Variants in TAFA1 observed in about 807,000 individuals in gnomAD.
The protein encoded by TAFA1 is TAFA chemokine like family member 1, also known as chemokine-like protein TAFA-1.
Under a neutral mutation model 18.5 loss-of-function variants are expected in TAFA1, and 4 were observed. That is an observed-to-expected ratio of 0.22 (90% CI 0.11 to 0.49). The LOEUF (loss-of-function observed/expected upper bound fraction) is 0.49, where lower values mean the gene tolerates loss of function less well. Ranked by LOEUF, TAFA1 falls within the 20% of genes least tolerant of loss-of-function variation. The probability of loss-of-function intolerance (pLI) is 0.98; values close to 1 mark genes in which losing one functional copy is unlikely to be tolerated. For missense variants in TAFA1, 147 were observed against 169.0 expected, an observed-to-expected ratio of 0.87 and a Z score of 0.72; for synonymous variants, 56 against 55.2, an observed-to-expected ratio of 1.01 and a Z score of -0.06.
At chr3:68,393,687 G>C (rs769953800) in intron 2 of TAFA1, among the ~76,000 whole-genome samples, 1 of 152,030 alleles carries the variant, frequency 6.6e-6, no homozygotes, top group Admixed American at 6.6e-5. Flanking sequence ...GCTTCATCCC[G>C]AGGATGCAAA....
intron 2 of TAFA1, among the ~76,000 whole-genome samples, chr3:68,321,197 T>C (rs1022094306): frequency 1.3e-5 from 2 of 152,194 alleles, no homozygotes; most frequent in South Asian, 2.1e-4. Context: ...TAGTCTAATA[T>C]ACAAAAGCAA....
intron 3 of TAFA1, among the ~76,000 whole-genome samples, chr3:68,493,273 T>G (rs2072486612): frequency 6.6e-6 from 1 of 152,236 alleles, no homozygotes; most frequent in Admixed American, 6.5e-5. Flanking sequence ...CTTATTTCAC[T>G]TAGCATAAAG....
At chr3:68,192,847 C>T (rs2066359793) in intron 2 of TAFA1, among the ~76,000 whole-genome samples, 1 of 151,464 alleles carries the variant, frequency 6.6e-6, no homozygotes, top group South Asian at 2.1e-4. Flanking sequence ...TCAGCTGAGA[C>T]CTGAAACTTG....
At chr3:68,031,070 G>C (rs1704925217) in intron 2 of TAFA1, among the ~76,000 whole-genome samples, 1 of 152,092 alleles carries the variant, frequency 6.6e-6, no homozygotes, top group South Asian at 2.1e-4. Flanking sequence ...TTATACATCA[G>C]TTTCAAGTTT....
intron 2 of TAFA1, among the ~76,000 whole-genome samples, chr3:68,383,685 T>G (rs1227571344): frequency 3.3e-5 from 5 of 152,122 alleles, no homozygotes; most frequent in African/African-American, 1.2e-4. Flanking sequence ...ATCAGAATGA[T>G]GCTTACCACA....
chr3:68,037,773 G>C (rs1283005861), intron 2 of TAFA1, among the ~76,000 whole-genome samples: 1 of 152,312 alleles, frequency 6.6e-6, no homozygotes, highest in East Asian at 1.9e-4. Context: ...TCTCTGGCAA[G>C]ATGCATTCTA....
chr3:68,055,884 C>T (rs1478847581), intron 2 of TAFA1, among the ~76,000 whole-genome samples: 1 of 152,040 alleles, frequency 6.6e-6, no homozygotes, highest in Non-Finnish European at 1.5e-5. Context: ...CGATTTTCAG[C>T]CTGATCTTTT....
intron 2 of TAFA1, among the ~76,000 whole-genome samples, chr3:68,395,030 A>G (rs1343063940): frequency 6.6e-6 from 1 of 152,154 alleles, no homozygotes; most frequent in Non-Finnish European, 1.5e-5. Context: ...AATGGGAGAA[A>G]ATTTTTGCAA....
chr3:68,414,102 C>T (rs559593222), intron 2 of TAFA1, among the ~76,000 whole-genome samples: 33 of 152,120 alleles, frequency 2.2e-4, no homozygotes, highest in Middle Eastern at 3.4e-3. Flanking sequence ...GTCGGGAGTT[C>T]GAGACCATCC....
intron 3 of TAFA1, among the ~76,000 whole-genome samples, chr3:68,462,146 T>C (rs957144092): frequency 2.0e-5 from 3 of 152,200 alleles, no homozygotes; most frequent in African/African-American, 4.8e-5. Flanking sequence ...ATTTTGAGTA[T>C]TCCTAAATAT....
intron 2 of TAFA1, among the ~76,000 whole-genome samples, chr3:68,087,627 C>T (rs1043644231): frequency 3.3e-5 from 5 of 150,502 alleles, no homozygotes. Context: ...CTCTCCCTCC[C>T]ACCCTTCTTT....
chr3:68,261,230 A>G (rs2067414543), intron 2 of TAFA1, among the ~76,000 whole-genome samples: 2 of 152,210 alleles, frequency 1.3e-5, no homozygotes, highest in African/African-American at 4.8e-5. Context: ...ATCTCACACC[A>G]GTTAGAATGG....
chr3:68,500,150 GA>G (rs1485449253), intron 3 of TAFA1, among the ~76,000 whole-genome samples: 2 of 151,994 alleles, frequency 1.3e-5, no homozygotes, highest in Non-Finnish European at 2.9e-5. Context: ...GCCAATGGAG[GA>G]AATCTGTCTC....
chr3:68,342,958 G>A (rs1413199683), intron 2 of TAFA1, among the ~76,000 whole-genome samples: 1 of 152,114 alleles, frequency 6.6e-6, no homozygotes, highest in Non-Finnish European at 1.5e-5. Flanking sequence ...CTCTTGTAAG[G>A]CCTTTTCTTA....
intron 2 of TAFA1, among the ~76,000 whole-genome samples, chr3:68,266,851 T>C (rs1304173864): frequency 1.3e-5 from 2 of 152,192 alleles, no homozygotes; most frequent in Non-Finnish European, 2.9e-5. Flanking sequence ...GTGGTTTTAA[T>C]TGGCTTGTTA....
At chr3:68,433,716 C>T (rs916052039) in intron 3 of TAFA1, among the ~76,000 whole-genome samples, 12 of 152,056 alleles carry the variant, frequency 7.9e-5, no homozygotes, top group Admixed American at 5.2e-4. Context: ...AATTTAAGTT[C>T]CCAAATCTGA....
rs2065719055 is a variant in TAFA1 at position 68,144,963 on chromosome 3, A to C, written c.118+138219A>C. Reference sequence around the variant, plus strand: ...TGATAATATAAAATAATGACTATAAAGTGGCATCAAGATGCCTAGGCCCGG... The same window carrying C: ...TGATAATATAAAATAATGACTATAACGTGGCATCAAGATGCCTAGGCCCGG... On this transcript the variant is annotated intron_variant, in intron 2 of 4. Transcript: ENST00000478136. 3.4e-6 allele frequency: 3 copies of C among 882,592 alleles called. No individual in the cohort carries two copies. In the East Asian group the frequency reaches 7.5e-5, roughly 22 times the overall value. The allele number at this position is 882,592 out of a possible 1,614,324, so 54.7% of individuals were successfully genotyped here. A position where few individuals can be genotyped will look rare whatever the true frequency, so the allele number is the denominator to read the frequency against.
At chr3:68,532,582 C>T (rs931292184) in intron 3 of TAFA1, among the ~76,000 whole-genome samples, 2 of 152,098 alleles carry the variant, frequency 1.3e-5, no homozygotes, top group Admixed American at 1.3e-4. Context: ...GAGTAGCCAT[C>T]TCAAAATATA....
At chr3:68,005,090 A>G (rs1203819316) in intron 1 of TAFA1, among the ~76,000 whole-genome samples, 1 of 152,138 alleles carries the variant, frequency 6.6e-6, no homozygotes, top group African/African-American at 2.4e-5. Context: ...CACAAGCAGT[A>G]AATACATCCA....
Sources: gnomAD v4.1 joint callset for allele counts (sites outside exome capture counted in the v4.1 genomes callset) on GRCh38, gnomAD v4.1.1 for gene constraint, MANE v1.5 for transcripts, NCBI Gene and HGNC (gene_info 2026-07-23, HGNC 2026-07-21) for gene names.